B3GNT5: variants seen among roughly 807,000 people sequenced by gnomAD.
B3GNT5 encodes the protein lactosylceramide 1,3-N-acetyl-beta-D-glucosaminyltransferase.
B3GNT5 carries 11 observed loss-of-function variants against 25.9 expected under a neutral mutation model. The ratio of observed to expected loss-of-function variants is 0.42; its 90% CI spans 0.27 to 0.70. The LOEUF (loss-of-function observed/expected upper bound fraction) is 0.70. B3GNT5 is among the 30% of genes least tolerant of loss of function. B3GNT5 has a pLI of 0.23. For missense variants in B3GNT5, 385 were observed against 458.4 expected (o/e 0.84, Z 1.46); for synonymous variants, 166 against 158.6 (o/e 1.05, Z -0.35).
At chr3:183,262,632 C>T (rs1237280807) in intron 1 of B3GNT5, among the ~76,000 whole-genome samples, 1 of 151,158 alleles carries the variant, frequency 6.6e-6, no homozygotes, top group Non-Finnish European at 1.5e-5. Context: ...CATGAGGAGG[C>T]GGCCCAGAAG....
At chr3:183,260,259 T>C (rs1176469925) in intron 1 of B3GNT5, among the ~76,000 whole-genome samples, 2 of 152,084 alleles carry the variant, frequency 1.3e-5, no homozygotes, top group African/African-American at 2.4e-5. Flanking sequence ...GCTACCACAT[T>C]CGTAAGGCAT....
At chr3:183,264,523 C>G (rs539727609) in intron 1 of B3GNT5, among the ~76,000 whole-genome samples, 1 of 152,148 alleles carries the variant, frequency 6.6e-6, no homozygotes, top group African/African-American at 2.4e-5. Flanking sequence ...TCATGATCTC[C>G]CACTGTGTCT....
chr3:183,256,128 GAA>G (rs1725025145), intron 1 of B3GNT5, among the ~76,000 whole-genome samples: 1 of 152,188 alleles, frequency 6.6e-6, no homozygotes, highest in Admixed American at 6.5e-5. Context: ...TCTCAGCTTT[GAA>G]TTTTTATAAT....
intron 1 of B3GNT5, among the ~76,000 whole-genome samples, chr3:183,269,219 C>T (rs1726461300): frequency 1.2e-5 from 1 of 85,240 alleles, no homozygotes; most frequent in Non-Finnish European, 2.0e-5. Context: ...CGATTATAGC[C>T]GTTTGGGAAG....
chr3:183,272,939 T>C lies in B3GNT5; in HGVS notation c.*2004T>C. ...TCTTCTGAACTGTGTCCTTTTAATT[T>C]TTGCTTAGAATAGAATGGAACAAGT... is the stretch of plus-strand genomic sequence containing the variant. On this transcript the variant is annotated 3_prime_UTR_variant, in exon 2 of 2. Transcript: ENST00000326505. The C allele has an allele frequency of 1.4e-6, 2 of 1,407,482 alleles. No individual in the cohort carries two copies. The highest frequency in any genetic ancestry group is 2.9e-5 in the East Asian group (1 of 34,162). The allele number at this position is 1,407,482 out of a possible 1,614,324, so 87.2% of individuals were successfully genotyped here. A position where few individuals can be genotyped will look rare whatever the true frequency, so the allele number is the denominator to read the frequency against.
chr3:183,270,730 A>T lies in B3GNT5; in HGVS notation c.932A>T (p.Tyr311Phe). The change falls in exon 2 of 2, where the codon TAT becomes TTT. Residue 311 changes from tyrosine (Y) to phenylalanine (F), a missense_variant. By Grantham distance (22) the Tyr-to-Phe change is conservative. Coordinates refer to ENST00000326505, the MANE Select transcript of B3GNT5 (RefSeq NM_032047.5). The surrounding 1 kb of genome is among the most constrained non-coding windows in gnomAD (Gnocchi z 4.5). ...TTTTCTGGAGAGGGTAAAACTCCTT[A>T]TCATCCCTGCATCTATGAAAAAATG... Reference protein sequence around the residue: ...VFFSGEGKTPYHPCIYEKMMT... With the variant: ...VFFSGEGKTPFHPCIYEKMMT... 6.2e-7 allele frequency: 1 copy of T among 1,613,768 alleles called. No homozygotes were observed. Among genetic ancestry groups the T allele is most frequent in the East Asian group, 2.2e-5 (1 of 44,888 alleles).
intron 1 of B3GNT5, chr3:183,258,164 C>T (rs1037641193): frequency 1.3e-5 from 2 of 152,300 alleles, no homozygotes; most frequent in African/African-American, 4.8e-5. Flanking sequence ...GATGGGGTTT[C>T]ACCATGTTAG....
Position 183,270,090 on chromosome 3 carries a change from C to T in B3GNT5, c.292C>T (p.Pro98Ser). Residue 98 changes from proline (P) to serine (S), a missense_variant, in exon 2 of 2, where the codon CCT becomes TCT. Pro to Ser is a moderately conservative substitution (Grantham distance 74). Transcript: ENST00000326505. The surrounding 1 kb of genome is among the most constrained non-coding windows in gnomAD (Gnocchi z 4.5). ...VLLLLFVKTAPENYDRRSGIR... is the reference protein window; with the variant it reads ...VLLLLFVKTASENYDRRSGIR... ...CCTTTTACTGTTTGTAAAAACTGCT[C>T]CTGAAAACTATGATCGACGTTCCGG... is the stretch of plus-strand genomic sequence containing the variant. 6.2e-7 allele frequency: 1 copy of T among 1,614,100 alleles called. No individual in the cohort carries two copies. Among genetic ancestry groups the T allele is most frequent in the Non-Finnish European group, 8.5e-7 (1 of 1,180,030 alleles).
intron 1 of B3GNT5, chr3:183,254,000 C>G (rs932045536): frequency 6.6e-6 from 1 of 152,094 alleles, no homozygotes; most frequent in African/African-American, 2.4e-5. Context: ...TGCCGCGGCC[C>G]CGAGCTGGGC....
intron 1 of B3GNT5, chr3:183,265,535 C>G (rs1385629177): frequency 1.3e-5 from 2 of 152,388 alleles, no homozygotes; most frequent in Non-Finnish European, 2.9e-5. Context: ...TGCGTGGTCT[C>G]CATCCGCAAA....
intron 1 of B3GNT5, among the ~76,000 whole-genome samples, chr3:183,256,919 C>A (rs573508557): frequency 3.3e-5 from 5 of 152,198 alleles, no homozygotes; most frequent in Non-Finnish European, 7.3e-5. Context: ...AGGGATGATA[C>A]TTCTGCCTCA....
At chr3:183,263,864 C>T (rs1725847177) in intron 1 of B3GNT5, among the ~76,000 whole-genome samples, 1 of 152,188 alleles carries the variant, frequency 6.6e-6, no homozygotes, top group Non-Finnish European at 1.5e-5. Context: ...GGTCATTCAT[C>T]AGGTCCTGCT....
At position 183,271,028 on chromosome 3, in the gene B3GNT5, G is replaced by A. The variant is rs2108447894; in HGVS notation, c.*93G>A. On this transcript the variant is annotated 3_prime_UTR_variant, in exon 2 of 2. Coordinates refer to ENST00000326505, the MANE Select transcript of B3GNT5 (RefSeq NM_032047.5). Reference sequence around the variant, plus strand: ...TTCGTCTATACCCTAAGTAAAATGAGGACGAAAGACAAATATTTTGAAAGC... The same window carrying A: ...TTCGTCTATACCCTAAGTAAAATGAAGACGAAAGACAAATATTTTGAAAGC... 4 of 1,206,410 alleles carry A rather than the reference G, an allele frequency of 3.3e-6. No individual in the cohort carries two copies. The South Asian group carries it at 5.4e-5, about 16-fold the overall frequency. The allele number at this position is 1,206,410 out of a possible 1,614,324, so 74.7% of individuals were successfully genotyped here.
rs182570255 is a variant in B3GNT5 at position 183,260,890 on chromosome 3, G to T, written c.-302+7418G>T. Among the ~76,000 whole-genome samples the T allele has an allele frequency of 1.7e-3, 261 of 152,318 alleles. 1 individual carries two copies. The highest frequency in any genetic ancestry group is 6.8e-3 in the Middle Eastern group (2 of 294). On this transcript the variant is annotated intron_variant, in intron 1 of 1. Coordinates refer to ENST00000326505, the MANE Select transcript of B3GNT5 (RefSeq NM_032047.5). Reference sequence around the variant, plus strand: ...TCTACAAATGTATTCTCTGCAGGAGGATAAGAATTCCAAATGGCTTCTAAT... The same window carrying T: ...TCTACAAATGTATTCTCTGCAGGAGTATAAGAATTCCAAATGGCTTCTAAT...
chr3:183,271,297 A>G lies in B3GNT5; in HGVS notation c.*362A>G, dbSNP rs1726758416. ...GGAAAATACCAAATGAACGTACAGT[A>G]CAACATTTCAAGGAAATGAATATAT... On this transcript the variant is annotated 3_prime_UTR_variant, in exon 2 of 2. Transcript: ENST00000326505. 1 of 174,378 alleles carries G rather than the reference A, an allele frequency of 5.7e-6. No individual in the cohort carries two copies. The highest frequency in any genetic ancestry group is 1.9e-4 in the South Asian group (1 of 5,178). 10.8% of individuals were successfully genotyped at this position (174,378 alleles called of 1,614,324 possible).
chr3:183,270,100 A>G lies in B3GNT5; in HGVS notation c.302A>G (p.Tyr101Cys), dbSNP rs1726605902. ...LLFVKTAPEN[Y>C]DRRSGIRRTW... is the part of the protein sequence containing the mutation. Reference sequence around the variant, plus strand: ...TTTGTAAAAACTGCTCCTGAAAACTATGATCGACGTTCCGGAATTAGAAGG... The same window carrying G: ...TTTGTAAAAACTGCTCCTGAAAACTGTGATCGACGTTCCGGAATTAGAAGG... Residue 101 changes from tyrosine (Y) to cysteine (C), a missense_variant, in exon 2 of 2, where the codon TAT (tyrosine) becomes TGT (cysteine). Physicochemically the swap from Tyr to Cys is radical, Grantham distance 194. Coordinates refer to ENST00000326505, the MANE Select transcript of B3GNT5 (RefSeq NM_032047.5). This position sits in a 1 kb window ranked among gnomAD's most constrained non-coding sequence, Gnocchi z 4.5. The G allele has an allele frequency of 1.2e-6, 2 of 1,614,196 alleles. No individual in the cohort carries two copies. The highest frequency in any genetic ancestry group is 1.1e-5 in the South Asian group (1 of 91,076).
chr3:183,270,012 C>T lies in B3GNT5; in HGVS notation c.214C>T (p.Arg72Cys), dbSNP rs374730453. ...LSLKHTSAGP[R>C]YQYLINHKEK... The stretch of plus-strand genomic sequence containing the variant: ...TCTTAAGCACACCTCAGCGGGGCCT[C>T]GCTACCAATACTTGATTAACCACAA... The change falls in exon 2 of 2, where the codon CGC (arginine) becomes TGC (cysteine). Residue 72 changes from arginine to cysteine, a missense_variant. Transcript: ENST00000326505. This position sits in a 1 kb window ranked among gnomAD's most constrained non-coding sequence, Gnocchi z 4.5. 8 of 1,613,986 alleles carry T rather than the reference C, an allele frequency of 5.0e-6. No individual in the cohort carries two copies. Among genetic ancestry groups the T allele is most frequent in the Admixed American group, 3.3e-5 (2 of 59,994 alleles).
At chr3:183,261,981 T>C (rs1319772145) in intron 1 of B3GNT5, among the ~76,000 whole-genome samples, 2 of 131,462 alleles carry the variant, frequency 1.5e-5, no homozygotes, top group Admixed American at 7.6e-5. Flanking sequence ...AAAAAAAGAA[T>C]AGAATTGGGC....
At chr3:183,263,371 C>T (rs10049125) in intron 1 of B3GNT5, among the ~76,000 whole-genome samples, 44,675 of 151,964 alleles carry the variant, frequency 0.29, 8,389 homozygotes, top group East Asian at 0.53. Flanking sequence ...TCTTTAGACC[C>T]TCCTGTAGCA....
Sources: gnomAD v4.1 joint callset for allele counts (sites outside exome capture counted in the v4.1 genomes callset) on GRCh38, gnomAD v4.1.1 for gene constraint, Gnocchi (gnomAD v3.1) non-coding constraint, MANE v1.5 for transcripts, NCBI Gene and HGNC (gene_info 2026-07-23, HGNC 2026-07-21) for gene names.